Variants in CNKSR2 observed in about 807,000 individuals in gnomAD.
The protein encoded by CNKSR2 is CNK homolog protein 2.
CNKSR2 carries 14 observed loss-of-function variants against 84.4 expected under a neutral mutation model. The ratio of observed to expected loss-of-function variants is 0.17; its 90% confidence interval spans 0.11 to 0.26. The LOEUF (loss-of-function observed/expected upper bound fraction) is 0.26. Ranked by LOEUF, CNKSR2 falls within the 10% of genes least tolerant of loss-of-function variation. The pLI is 1.00. For synonymous variants in CNKSR2, 275 were observed against 277.9 expected, an observed-to-expected ratio of 0.99 and a Z score of 0.10; for missense variants, 485 against 771.2, an observed-to-expected ratio of 0.63 and a Z score of 4.40.
chrX:21,601,564 C>T (rs2092482524), intron 18 of CNKSR2, among the ~76,000 whole-genome samples: 1 of 111,182 alleles, frequency 9.0e-6, no homozygotes, highest in African/African-American at 3.3e-5. Context: ...CTATTTGTTA[C>T]CCCCTCCTCC....
chrX:21,416,120 A>G (rs1052897455), intron 1 of CNKSR2, among the ~76,000 whole-genome samples: 1 of 111,280 alleles, frequency 9.0e-6, no homozygotes, highest in Non-Finnish European at 1.9e-5. Context: ...TGTTCCTTCT[A>G]TACTCAGTTT....
chrX:21,413,885 T>C (rs1471209149), intron 1 of CNKSR2, among the ~76,000 whole-genome samples: 1 of 111,130 alleles, frequency 9.0e-6, no homozygotes, highest in Non-Finnish European at 1.9e-5. Flanking sequence ...ATCTTGGCTA[T>C]TGTGAACAGA....
chrX:21,609,501 A>G lies in CNKSR2; in HGVS notation c.2576A>G (p.Asn859Ser). 8.3e-7 allele frequency: 1 copy of G among 1,211,179 alleles called. No homozygotes were observed. The highest frequency in any genetic ancestry group is 1.1e-6 in the Non-Finnish European group (1 of 895,411). Residue 859 changes from asparagine to serine, a missense_variant, in exon 20 of 22, where the codon AAT becomes AGT. Asn to Ser is a conservative substitution (Grantham distance 46). Transcript: ENST00000379510. The stretch of plus-strand genomic sequence containing the variant: ...AGCGGGTTCAACCATTGCTGTCTGA[A>G]TGCTCCAGTTAGTGCCTGTGACCCA... ...RDSGFNHCCL[N>S]APVSACDPQD...
intron 11 of CNKSR2, among the ~76,000 whole-genome samples, chrX:21,548,734 G>A (rs1428650666): frequency 9.0e-6 from 1 of 111,590 alleles, no homozygotes; most frequent in Non-Finnish European, 1.9e-5. Flanking sequence ...CGATCAAGTC[G>A]GCTTCATCCC....
chrX:21,441,693 G>T (rs1237194360), intron 4 of CNKSR2, among the ~76,000 whole-genome samples: 2 of 111,311 alleles, frequency 1.8e-5, no homozygotes, highest in Non-Finnish European at 3.8e-5. Flanking sequence ...CACTGCATTT[G>T]ATTGGAATTG....
In CNKSR2 at chrX:21,426,510, T is replaced by C; in HGVS notation, c.78T>C (p.Cys26=). 8.3e-7 allele frequency: 1 copy of C among 1,208,270 alleles called. No homozygotes were observed. Among genetic ancestry groups the C allele is most frequent in the Non-Finnish European group, 1.1e-6 (1 of 893,272 alleles). The change falls in exon 2 of 22, where the codon TGT becomes TGC. Residue 26 remains cysteine, a synonymous_variant. Transcript: ENST00000379510. The part of the protein sequence containing the change: ...VVDWMKGLDD[C]LQQYIKNFER... ...TTTATTTTGTAGGTCTTGATGACTG[T>C]TTGCAGCAGTATATTAAGAACTTTG...
chrX:21,374,596 CA>C lies in CNKSR2; in HGVS notation c.-301del. ...GGAGACCGGAGCGGAGCGGCGGAGG[CA>C]GCAGCAGCAGCAGCAGCAGCAGCAG... On this transcript the variant is annotated 5_prime_UTR_variant, in exon 1 of 22. Transcript: ENST00000379510. 2 of 294,923 alleles carry C rather than the reference CA, an allele frequency of 6.8e-6. No homozygotes were observed. The highest frequency in any genetic ancestry group is 1.2e-5 in the Non-Finnish European group (2 of 170,524). 24.3% of individuals were successfully genotyped at this position (294,923 alleles called of 1,213,427 possible).
chrX:21,635,158 G>T (rs1243838916), intron 20 of CNKSR2, among the ~76,000 whole-genome samples: 1 of 108,828 alleles, frequency 9.2e-6, no homozygotes, highest in Non-Finnish European at 1.9e-5. Flanking sequence ...AATAAGAAAA[G>T]AATTGATTCT....
intron 4 of CNKSR2, among the ~76,000 whole-genome samples, chrX:21,469,776 G>A: frequency 9.1e-6 from 1 of 110,170 alleles, no homozygotes; most frequent in Non-Finnish European, 1.9e-5. Flanking sequence ...GCCGGGCATG[G>A]TGGCACATGC....
chrX:21,535,194 C>A (rs960855877), intron 11 of CNKSR2, among the ~76,000 whole-genome samples: 1 of 110,730 alleles, frequency 9.0e-6, no homozygotes, highest in African/African-American at 3.3e-5. Flanking sequence ...GCTGTAAATA[C>A]GGACTTATTT....
At chrX:21,486,111 G>A (rs1340948665) in intron 5 of CNKSR2, among the ~76,000 whole-genome samples, 2 of 111,752 alleles carry the variant, frequency 1.8e-5, no homozygotes, top group African/African-American at 6.5e-5. Flanking sequence ...GCAACAGATC[G>A]AGACTCCATC....
chrX:21,396,854 A>G (rs2090128743), intron 1 of CNKSR2, among the ~76,000 whole-genome samples: 2 of 111,918 alleles, frequency 1.8e-5, no homozygotes, highest in Admixed American at 9.5e-5. Context: ...CAGAAATAGT[A>G]TGTTGCATAG....
At chrX:21,464,542 A>G (rs754105474) in intron 4 of CNKSR2, among the ~76,000 whole-genome samples, 1 of 111,816 alleles carries the variant, frequency 8.9e-6, no homozygotes, top group East Asian at 2.8e-4. Context: ...CATCCACTTT[A>G]GTATGTCTAG....
At chrX:21,512,618 T>C (rs996386227) in intron 8 of CNKSR2, among the ~76,000 whole-genome samples, 9 of 111,141 alleles carry the variant, frequency 8.1e-5, no homozygotes, top group African/African-American at 2.9e-4. Context: ...GCAGTAGGTA[T>C]CCAAGCCAGA....
intron 4 of CNKSR2, among the ~76,000 whole-genome samples, chrX:21,460,837 G>T (rs952605627): frequency 2.7e-5 from 3 of 111,638 alleles, no homozygotes; most frequent in Non-Finnish European, 5.6e-5. Context: ...TTAACATAAT[G>T]ATCTCTAGAT....
At chrX:21,623,444 G>C (rs2092610450) in intron 20 of CNKSR2, among the ~76,000 whole-genome samples, 1 of 111,519 alleles carries the variant, frequency 9.0e-6, no homozygotes, top group Non-Finnish European at 1.9e-5. Flanking sequence ...AGAAAAGTAT[G>C]TTTGTTGAAG....
intron 6 of CNKSR2, chrX:21,493,378 A>G (rs940800644): frequency 1.3e-4 from 14 of 111,648 alleles, no homozygotes; most frequent in African/African-American, 4.2e-4. Flanking sequence ...TTCTTTTTCT[A>G]TTTGGGTACT....
intron 18 of CNKSR2, among the ~76,000 whole-genome samples, chrX:21,603,339 T>C (rs1014895934): frequency 1.8e-5 from 2 of 112,349 alleles, no homozygotes; most frequent in Non-Finnish European, 3.8e-5. Context: ...GTATTCCATG[T>C]AGAAAACTAC....
chrX:21,405,372 A>AT (rs1395646701), intron 1 of CNKSR2, among the ~76,000 whole-genome samples: 2 of 111,777 alleles, frequency 1.8e-5, no homozygotes, highest in South Asian at 3.7e-4. Context: ...TGTCATCTAC[A>AT]TTTCTCTTTA....
Sources: gnomAD v4.1 joint callset for allele counts (sites outside exome capture counted in the v4.1 genomes callset) on GRCh38, gnomAD v4.1.1 for gene constraint, MANE v1.5 for transcripts, NCBI Gene and HGNC (gene_info 2026-07-23, HGNC 2026-07-21) for gene names.